PPP1R9A: variants seen among roughly 807,000 people sequenced by gnomAD.
The protein encoded by PPP1R9A is neurabin-1.
Under a neutral mutation model 141.9 loss-of-function variants are expected in PPP1R9A, and 59 were observed. That is an observed-to-expected ratio of 0.42 (90% CI 0.34 to 0.52). The LOEUF (loss-of-function observed/expected upper bound fraction) is 0.52. Ranked by LOEUF, PPP1R9A falls within the 20% of genes least tolerant of loss-of-function variation. The probability of loss-of-function intolerance (pLI) is 0.10; values close to 1 mark genes in which losing one functional copy is unlikely to be tolerated. For missense variants in PPP1R9A, 1,444 were observed against 1,611.9 expected, an observed-to-expected ratio of 0.90 and a Z score of 1.78; for synonymous variants, 500 against 569.7, an observed-to-expected ratio of 0.88 and a Z score of 1.74.
chr7:95,056,726 A>C (rs1035282160), intron 2 of PPP1R9A, among the ~76,000 whole-genome samples: 1 of 152,172 alleles, frequency 6.6e-6, no homozygotes, highest in Non-Finnish European at 1.5e-5. Flanking sequence ...ATATGAATTC[A>C]ACTCATGAAA....
intron 1 of PPP1R9A, among the ~76,000 whole-genome samples, chr7:94,908,920 G>A (rs1187473999): frequency 1.3e-5 from 2 of 152,178 alleles, no homozygotes; most frequent in Non-Finnish European, 2.9e-5. Flanking sequence ...AGCTGATTGT[G>A]CGTGAGGGTG....
At chr7:95,028,439 A>C (rs998226739) in intron 2 of PPP1R9A, among the ~76,000 whole-genome samples, 4 of 152,212 alleles carry the variant, frequency 2.6e-5, no homozygotes, top group African/African-American at 7.2e-5. Flanking sequence ...TAGCAATCTC[A>C]AATGCTCTGC....
At chr7:94,990,176 A>G (rs1013474065) in intron 2 of PPP1R9A, among the ~76,000 whole-genome samples, 12 of 152,080 alleles carry the variant, frequency 7.9e-5, no homozygotes, top group African/African-American at 2.4e-4. Flanking sequence ...TTTTGTAGCT[A>G]GTAAGTTATT....
intron 12 of PPP1R9A, among the ~76,000 whole-genome samples, chr7:95,263,573 G>A (rs1265322920): frequency 2.0e-5 from 3 of 151,844 alleles, no homozygotes; most frequent in Non-Finnish European, 2.9e-5. Context: ...ACAGGTGCAC[G>A]CCATCACACC....
At chr7:95,244,079 C>T (rs1371107440) in intron 8 of PPP1R9A, among the ~76,000 whole-genome samples, 2 of 152,120 alleles carry the variant, frequency 1.3e-5, no homozygotes, top group African/African-American at 2.4e-5. Flanking sequence ...TAATTTTAGG[C>T]CTCATGTGTA....
chr7:95,265,998 G>C, intron 12 of PPP1R9A, among the ~76,000 whole-genome samples: 1 of 152,112 alleles, frequency 6.6e-6, no homozygotes, highest in East Asian at 1.9e-4. Context: ...ACAAGCACCA[G>C]GCAAATTATT....
chr7:95,021,173 G>A (rs1805897491), intron 2 of PPP1R9A, among the ~76,000 whole-genome samples: 1 of 152,122 alleles, frequency 6.6e-6, no homozygotes, highest in South Asian at 2.1e-4. Flanking sequence ...CATTCTAACT[G>A]GTGTGAGATG....
At chr7:95,174,109 A>C (rs1418448741) in intron 5 of PPP1R9A, among the ~76,000 whole-genome samples, 1 of 152,110 alleles carries the variant, frequency 6.6e-6, no homozygotes, top group Non-Finnish European at 1.5e-5. Flanking sequence ...ACTGGAAACA[A>C]CTCAAGTGTT....
At chr7:95,268,783 A>T in intron 13 of PPP1R9A, 76 bp downstream of exon 13, 2 of 1,525,576 alleles carry the variant, frequency 1.3e-6, no homozygotes, top group Non-Finnish European at 1.8e-6. Flanking sequence ...GAAGATTATG[A>T]TTTTTCTGCA....
At chr7:95,147,837 G>A (rs866794745) in intron 4 of PPP1R9A, among the ~76,000 whole-genome samples, 5 of 152,104 alleles carry the variant, frequency 3.3e-5, no homozygotes, top group Non-Finnish European at 7.4e-5. Flanking sequence ...TGCATCCCAG[G>A]GATGAAGCCA....
In PPP1R9A at chr7:95,292,153, A is replaced by T. The variant is rs1806448931; in HGVS notation, c.*1850A>T. The T allele has an allele frequency of 6.6e-6, 1 of 152,090 alleles. No individual in the cohort carries two copies. The highest frequency in any genetic ancestry group is 1.9e-4 in the East Asian group (1 of 5,188). 9.4% of individuals were successfully genotyped at this position (152,090 alleles called of 1,614,324 possible). Reference sequence around the variant, plus strand: ...CCATTATGTTTTTCTGTCTGTCTTCATTAGGGGTATGATAATGAAACTGCC... The same window carrying T: ...CCATTATGTTTTTCTGTCTGTCTTCTTTAGGGGTATGATAATGAAACTGCC... On this transcript the variant is annotated 3_prime_UTR_variant, in exon 20 of 20. Transcript: ENST00000433360.
chr7:95,089,106 A>C (rs906005490), intron 2 of PPP1R9A, among the ~76,000 whole-genome samples: 12 of 152,042 alleles, frequency 7.9e-5, no homozygotes, highest in Middle Eastern at 3.2e-3. Context: ...TTGCTTTTTC[A>C]ATAGAAAATT....
intron 12 of PPP1R9A, among the ~76,000 whole-genome samples, chr7:95,264,291 A>G (rs937914258): frequency 6.6e-6 from 1 of 152,174 alleles, no homozygotes; most frequent in African/African-American, 2.4e-5. Flanking sequence ...AGGCAGTGTG[A>G]TGGCATGAAG....
At chr7:95,240,646 C>T (rs1337064568) in intron 8 of PPP1R9A, among the ~76,000 whole-genome samples, 1 of 151,910 alleles carries the variant, frequency 6.6e-6, no homozygotes, top group East Asian at 1.9e-4. Context: ...ATTAAATATG[C>T]TTTTAAATTC....
At chr7:95,152,410 T>C (rs1416084481) in intron 4 of PPP1R9A, among the ~76,000 whole-genome samples, 1 of 152,218 alleles carries the variant, frequency 6.6e-6, no homozygotes. Context: ...TTCTAATTTA[T>C]ATTATAAGGC....
chr7:95,117,831 T>C (rs1563260422), intron 3 of PPP1R9A, among the ~76,000 whole-genome samples: 1 of 152,120 alleles, frequency 6.6e-6, no homozygotes, highest in Non-Finnish European at 1.5e-5. Flanking sequence ...TCAGCCAGAA[T>C]ACTAATACAT....
chr7:95,061,930 T>G (rs933356420), intron 2 of PPP1R9A, among the ~76,000 whole-genome samples: 3 of 152,290 alleles, frequency 2.0e-5, no homozygotes, highest in South Asian at 4.1e-4. Context: ...GCTGAAAATA[T>G]CTTAGTGACT....
chr7:95,020,982 A>G (rs1386690680), intron 2 of PPP1R9A, among the ~76,000 whole-genome samples: 1 of 152,202 alleles, frequency 6.6e-6, no homozygotes, highest in East Asian at 1.9e-4. Flanking sequence ...TCCTTTGGGT[A>G]TATACCCAGT....
Position 94,910,946 on chromosome 7 carries a change from C to T in PPP1R9A, c.833C>T (p.Pro278Leu). The change falls in exon 2 of 20, where the codon CCA becomes CTA. Residue 278 changes from proline (P) to leucine (L), a missense_variant. Pro to Leu is a moderately conservative substitution (Grantham distance 98). This residue lies in a region of PPP1R9A where 490 missense variants were observed against 521.1 expected (regional missense o/e 0.94). Transcript: ENST00000433360. The surrounding 1 kb of genome is among the most constrained non-coding windows in gnomAD (Gnocchi z 4.5). Reference protein sequence around the residue: ...TEDAHKSNATPVPEVASKSTS... With the variant: ...TEDAHKSNATLVPEVASKSTS... ...GATGCTCACAAGAGTAATGCAACTC[C>T]AGTACCAGAAGTGGCTTCTAAAAGT... is the stretch of plus-strand genomic sequence containing the variant. 1 of 1,614,132 alleles carries T rather than the reference C, an allele frequency of 6.2e-7. No homozygotes were observed. Among genetic ancestry groups the T allele is most frequent in the South Asian group, 1.1e-5 (1 of 91,082 alleles).
Sources: allele counts gnomAD v4.1 joint callset (sites outside exome capture counted in the v4.1 genomes callset), GRCh38; gene constraint gnomAD v4.1.1; regional missense constraint gnomAD v4.1.1; non-coding constraint Gnocchi (gnomAD v3.1); transcripts MANE v1.5; gene names NCBI Gene and HGNC (gene_info 2026-07-23, HGNC 2026-07-21).